LINGO2: variants seen among roughly 807,000 people sequenced by gnomAD.
LINGO2 encodes the protein leucine-rich repeat and immunoglobulin-like domain-containing nogo receptor-interacting protein 2.
LINGO2 carries 14 observed loss-of-function variants against 30.6 expected under a neutral mutation model. That is an observed-to-expected ratio of 0.46 (90% CI 0.30 to 0.72). The LOEUF is 0.72. Among genes scored for constraint, LINGO2 ranks in the 30% least tolerant of loss-of-function variants. The pLI, the probability that LINGO2 is intolerant of heterozygous loss-of-function variation, is 0.07. For missense variants in LINGO2, 729 were observed against 751.7 expected (o/e 0.97, Z 0.35); for synonymous variants, 317 against 288.5 (o/e 1.10, Z -1.00).
chr9:29,083,228 A>C, the LINGO2 span, among the ~76,000 whole-genome samples: 2 of 152,212 alleles, frequency 1.3e-5, no homozygotes, highest in South Asian at 4.1e-4. Flanking sequence ...TGTGGCACAT[A>C]TGCACCATGG....
chr9:29,121,621 GA>G, the LINGO2 span, among the ~76,000 whole-genome samples: 1 of 151,974 alleles, frequency 6.6e-6, no homozygotes, highest in African/African-American at 2.4e-5. Context: ...ATAGCAAAGG[GA>G]TAATATAAAA....
rs561566924 is a variant in LINGO2 at position 28,549,471 on chromosome 9, G to C, written c.-364-73446C>G. Among the ~76,000 whole-genome samples the C allele has an allele frequency of 4.6e-5, 7 of 151,926 alleles. 1 individual carries two copies. The South Asian group carries it at 1.5e-3, about 32-fold the overall frequency. On this transcript the variant is annotated intron_variant, in intron 1 of 5. Transcript: ENST00000379992. ...AGCATGTGCTCAGTGGTTTACGTAG[G>C]GTTTAAAGTTAAAAATGGAATTGTT...
intron 4 of LINGO2, among the ~76,000 whole-genome samples, chr9:28,158,223 C>T (rs1159693549): frequency 6.6e-6 from 1 of 152,136 alleles, no homozygotes; most frequent in African/African-American, 2.4e-5. Flanking sequence ...CAGGGAAATT[C>T]CCCTTTTTAA....
chr9:28,527,077 T>A (rs1421545811), intron 1 of LINGO2, among the ~76,000 whole-genome samples: 1 of 152,184 alleles, frequency 6.6e-6, no homozygotes, highest in Non-Finnish European at 1.5e-5. Context: ...ACATGTTTGT[T>A]TTCTTTTACA....
At chr9:28,072,337 G>A (rs752227660) in intron 4 of LINGO2, among the ~76,000 whole-genome samples, 21 of 152,204 alleles carry the variant, frequency 1.4e-4, no homozygotes, top group Non-Finnish European at 2.9e-5. Flanking sequence ...CCCAAGAGGT[G>A]ACCATGCCAG....
At chr9:29,016,770 A>T in the LINGO2 span, among the ~76,000 whole-genome samples, 2 of 152,196 alleles carry the variant, frequency 1.3e-5, no homozygotes, top group African/African-American at 4.8e-5. Context: ...TGTAAATGAA[A>T]TGCTTCTTGT....
chr9:28,706,914 G>C, the LINGO2 span, among the ~76,000 whole-genome samples: 1 of 151,552 alleles, frequency 6.6e-6, no homozygotes, highest in African/African-American at 2.4e-5. Context: ...ACACTTTCTC[G>C]ACACCCCAAC....
chr9:27,976,685 C>T (rs1023880828), intron 5 of LINGO2, among the ~76,000 whole-genome samples: 1 of 152,004 alleles, frequency 6.6e-6, no homozygotes, highest in African/African-American at 2.4e-5. Context: ...GCCCACTATA[C>T]CATACGGCCT....
chr9:28,148,553 C>A lies in LINGO2; in HGVS notation c.-86-136148G>T. The A allele has an allele frequency of 1.3e-6, 2 of 1,489,878 alleles. No homozygotes were observed. Among genetic ancestry groups the A allele is most frequent in the South Asian group, 1.2e-5 (1 of 83,020 alleles). 92.3% of individuals were successfully genotyped at this position (1,489,878 alleles called of 1,614,324 possible). ...TGGGGAAGCAGCTTCCACCTCTAGG[C>A]CCCTGGAGACTCAGGGAAACTTCAC... On this transcript the variant is annotated intron_variant, in intron 4 of 5. Transcript: ENST00000379992. The surrounding 1 kb of genome is among the most constrained non-coding windows in gnomAD (Gnocchi z 5.1).
chr9:28,598,688 G>A (rs1182365115), intron 1 of LINGO2: 1 of 152,218 alleles, frequency 6.6e-6, no homozygotes, highest in East Asian at 1.9e-4. Flanking sequence ...CCAGATGGTG[G>A]AGTCTTTGGC....
At chr9:28,172,651 T>G (rs1238918838) in intron 4 of LINGO2, among the ~76,000 whole-genome samples, 1 of 152,196 alleles carries the variant, frequency 6.6e-6, no homozygotes, top group Non-Finnish European at 1.5e-5. Flanking sequence ...CAGGGAAAGA[T>G]GGAGAAAGGA....
At chr9:28,355,769 G>T (rs1419290567) in intron 3 of LINGO2, among the ~76,000 whole-genome samples, 1 of 152,064 alleles carries the variant, frequency 6.6e-6, no homozygotes, top group Non-Finnish European at 1.5e-5. Flanking sequence ...TACTCACACT[G>T]TACTCTTTGG....
intron 4 of LINGO2, among the ~76,000 whole-genome samples, chr9:28,140,929 C>A (rs1287787464): frequency 6.7e-6 from 1 of 150,048 alleles, no homozygotes; most frequent in East Asian, 1.9e-4. Context: ...TTAATATAAT[C>A]TTTACTTAAT....
chr9:27,988,745 C>G (rs1210380022), intron 5 of LINGO2, among the ~76,000 whole-genome samples: 1 of 151,746 alleles, frequency 6.6e-6, no homozygotes, highest in Non-Finnish European at 1.5e-5. Flanking sequence ...CATCTGACCT[C>G]GCCCACAGAC....
chr9:28,845,591 T>C, the LINGO2 span, among the ~76,000 whole-genome samples: 173 of 151,996 alleles, frequency 1.1e-3, no homozygotes, highest in Non-Finnish European at 1.9e-3. Context: ...GAGATAATTA[T>C]GTCATTTTAA....
At chr9:28,010,908 T>C (rs1223910668) in intron 5 of LINGO2, among the ~76,000 whole-genome samples, 1 of 152,180 alleles carries the variant, frequency 6.6e-6, no homozygotes, top group Non-Finnish European at 1.5e-5. Context: ...CAGTGAGCCA[T>C]GCTCAGGCCA....
chr9:28,868,677 C>A, the LINGO2 span, among the ~76,000 whole-genome samples: 2 of 152,206 alleles, frequency 1.3e-5, no homozygotes, highest in South Asian at 2.1e-4. Flanking sequence ...AACATGTAAA[C>A]TTTCAGTGCT....
At position 28,295,215 on chromosome 9, in the gene LINGO2, A is replaced by T. The variant is rs1370570281; in HGVS notation, c.-94T>A. ...GTCTCCCTCGAACCTTACCTGGTTT[A>T]CTCTTTTGAAAAATCCAACCCTTGC... is the stretch of plus-strand genomic sequence containing the variant. On this transcript the variant is annotated 5_prime_UTR_variant, in exon 4 of 6. The change abolishes the stop of an existing upstream ORF in the 5' untranslated region. Coordinates refer to ENST00000379992, the Ensembl canonical transcript of LINGO2. 6.6e-6 allele frequency: 1 copy of T among 152,484 alleles called. No homozygotes were observed. The highest frequency in any genetic ancestry group is 1.5e-5 in the Non-Finnish European group (1 of 68,014). 9.4% of individuals were successfully genotyped at this position (152,484 alleles called of 1,614,324 possible).
chr9:28,177,341 T>A (rs2133692065), intron 4 of LINGO2, among the ~76,000 whole-genome samples: 1 of 152,270 alleles, frequency 6.6e-6, no homozygotes, highest in Middle Eastern at 3.4e-3. Context: ...TCTGAAAGAT[T>A]TTTCTCTTTG....
Sources: allele counts gnomAD v4.1 joint callset (sites outside exome capture counted in the v4.1 genomes callset), GRCh38; gene constraint gnomAD v4.1.1; non-coding constraint Gnocchi (gnomAD v3.1); transcripts MANE v1.5; gene names NCBI Gene and HGNC (gene_info 2026-07-23, HGNC 2026-07-21).